The following MLIP variants were observed in gnomAD, a reference collection of about 807,000 sequenced individuals.
The protein encoded by MLIP is muscular LMNA-interacting protein.
Under a neutral mutation model 84.8 loss-of-function variants are expected in MLIP, and 79 were observed. The observed-to-expected ratio is 0.93, with a 90% confidence interval of 0.78 to 1.12. The LOEUF (loss-of-function observed/expected upper bound fraction) is 1.12, where lower values mean the gene tolerates loss of function less well. MLIP is among the 50% of genes most tolerant of loss of function. MLIP has a pLI of 0.00. For missense variants in MLIP, 1,257 were observed against 1,160.6 expected, an observed-to-expected ratio of 1.08 and a Z score of -1.21; for synonymous variants, 504 against 463.0, an observed-to-expected ratio of 1.09 and a Z score of -1.14.
chr6:54,166,071 C>A (rs375461553), intron 8 of MLIP, among the ~76,000 whole-genome samples: 10 of 151,968 alleles, frequency 6.6e-5, no homozygotes, highest in African/African-American at 2.4e-4. Flanking sequence ...ATAAGCCACC[C>A]AGTCAATAAT....
chr6:54,201,825 A>G (rs1778700394), intron 10 of MLIP, among the ~76,000 whole-genome samples: 1 of 152,208 alleles, frequency 6.6e-6, no homozygotes, highest in African/African-American at 2.4e-5. Context: ...ATATGTGTTG[A>G]CCAAATGCAC....
intron 9 of MLIP, among the ~76,000 whole-genome samples, chr6:54,179,155 C>A (rs1400890137): frequency 1.3e-5 from 2 of 152,154 alleles, no homozygotes; most frequent in African/African-American, 4.8e-5. Context: ...TAATGACATT[C>A]TTTGTCTCTT....
At chr6:54,253,017 G>A (rs903833319) in intron 12 of MLIP, among the ~76,000 whole-genome samples, 3 of 152,078 alleles carry the variant, frequency 2.0e-5, no homozygotes, top group Admixed American at 1.3e-4. Context: ...TGTAGCCATC[G>A]AATTCTTCCT....
rs116323549 is a variant in MLIP at position 54,065,474 on chromosome 6, T to C, written c.63+46383T>C. 5.1e-3 allele frequency among the ~76,000 whole-genome samples: 520 copies of C among 101,134 alleles called. 62 individuals carry two copies. The highest frequency in any genetic ancestry group is 0.012 in the African/African-American group (491 of 39,432). The allele number at this position is 101,134 out of a possible 152,430, so 66.3% of individuals were successfully genotyped here. ...TAAATGTTAACTACATCATTATTTCTTTCCAAGGAAAAGCAATTACAAAAG... is the reference window on the plus strand; with the variant it reads ...TAAATGTTAACTACATCATTATTTCCTTCCAAGGAAAAGCAATTACAAAAG... On this transcript the variant is annotated intron_variant, in intron 1 of 12. Transcript: ENST00000274897.
intron 12 of MLIP, among the ~76,000 whole-genome samples, chr6:54,250,759 T>C (rs985219710): frequency 6.6e-6 from 1 of 152,096 alleles, no homozygotes; most frequent in Non-Finnish European, 1.5e-5. Flanking sequence ...AGTAATTTCT[T>C]CTCAGGGACT....
intron 10 of MLIP, among the ~76,000 whole-genome samples, chr6:54,197,928 C>T (rs1372349262): frequency 2.0e-5 from 3 of 152,054 alleles, no homozygotes; most frequent in African/African-American, 7.2e-5. Context: ...AGAACCTTTA[C>T]TTGAAGTCCA....
At chr6:54,188,041 T>C (rs1777568136) in intron 9 of MLIP, among the ~76,000 whole-genome samples, 1 of 152,144 alleles carries the variant, frequency 6.6e-6, no homozygotes, top group Non-Finnish European at 1.5e-5. Flanking sequence ...ACCTAGTTGG[T>C]ATAGCCCACT....
chr6:54,184,704 AT>A (rs1206281345), intron 9 of MLIP, among the ~76,000 whole-genome samples: 3 of 151,748 alleles, frequency 2.0e-5, no homozygotes, highest in Admixed American at 2.0e-4. Context: ...TTTGAAATAA[AT>A]TTTTTTTACC....
chr6:54,086,494 G>A (rs566164556), intron 1 of MLIP, among the ~76,000 whole-genome samples: 1 of 152,298 alleles, frequency 6.6e-6, no homozygotes, highest in South Asian at 2.1e-4. Context: ...ATAGCATAAA[G>A]AAACCAAGAT....
intron 1 of MLIP, among the ~76,000 whole-genome samples, chr6:54,078,695 T>TC (rs1262328851): frequency 6.8e-6 from 1 of 146,856 alleles, no homozygotes; most frequent in Non-Finnish European, 1.5e-5. Context: ...TTCTTTCTTT[T>TC]TTTTTTTTTT....
intron 5 of MLIP, among the ~76,000 whole-genome samples, chr6:54,159,357 T>C (rs1176730427): frequency 6.6e-6 from 1 of 152,074 alleles, no homozygotes; most frequent in Non-Finnish European, 1.5e-5. Flanking sequence ...TTTGAATTAA[T>C]TTAAAATTAG....
chr6:54,033,618 T>C (rs138232444), intron 1 of MLIP, among the ~76,000 whole-genome samples: 153 of 151,952 alleles, frequency 1.0e-3, no homozygotes, highest in Middle Eastern at 3.4e-3. Flanking sequence ...AGTGGAAGAG[T>C]TGGCCTCAGG....
chr6:54,073,682 C>T (rs1297411720), intron 1 of MLIP, among the ~76,000 whole-genome samples: 1 of 152,190 alleles, frequency 6.6e-6, no homozygotes, highest in Non-Finnish European at 1.5e-5. Context: ...AACACATTCT[C>T]AGGTGACGCC....
At chr6:54,221,287 G>A (rs1159317641) in intron 11 of MLIP, among the ~76,000 whole-genome samples, 1 of 151,808 alleles carries the variant, frequency 6.6e-6, no homozygotes, top group Non-Finnish European at 1.5e-5. Context: ...GAACCTGTTG[G>A]AAAAACATCT....
Position 54,149,687 on chromosome 6 carries a change from T to C in MLIP, c.2289+560T>C, listed in dbSNP as rs538340275. 1.6e-4 allele frequency among the ~76,000 whole-genome samples: 24 copies of C among 152,228 alleles called. 2 individuals are homozygous for C. Among genetic ancestry groups the C allele is most frequent in the African/African-American group, 5.5e-4 (23 of 41,546 alleles). ...TTCTTGCCAGCCAGTGGTCCTACTT[T>C]CATGAACAGAAGGGAAGACTGAGAT... On this transcript the variant is annotated intron_variant, in intron 5 of 13. Transcript: ENST00000502396.
At chr6:54,248,548 G>A (rs1244411964) in intron 12 of MLIP, among the ~76,000 whole-genome samples, 2 of 152,116 alleles carry the variant, frequency 1.3e-5, no homozygotes. Flanking sequence ...GTCAACAATA[G>A]GATGTGGTAT....
intron 9 of MLIP, among the ~76,000 whole-genome samples, chr6:54,189,519 G>A (rs1229209370): frequency 1.3e-5 from 2 of 152,076 alleles, no homozygotes; most frequent in Non-Finnish European, 2.9e-5. Flanking sequence ...TGGTATGTTT[G>A]ATTAAAATGT....
chr6:54,196,646 A>G (rs536878348), intron 10 of MLIP, among the ~76,000 whole-genome samples: 1 of 152,182 alleles, frequency 6.6e-6, no homozygotes. Context: ...TATAGACTCC[A>G]TATTGAATTA....
Position 54,215,127 on chromosome 6 carries a change from A to G in MLIP, c.2718+12894A>G, listed in dbSNP as rs9395914. The G allele has an allele frequency of 2.5e-3, 3,782 of 1,531,862 alleles. 73 individuals are homozygous for G. The Admixed American group carries it at 0.027, about 11-fold the overall frequency. The allele number at this position is 1,531,862 out of a possible 1,614,324, so 94.9% of individuals were successfully genotyped here. A position where few individuals can be genotyped will look rare whatever the true frequency, so the allele number is the denominator to read the frequency against. On this transcript the variant is annotated intron_variant, in intron 11 of 13. Transcript: ENST00000502396. Reference sequence around the variant, plus strand: ...TGTACTTCCTCACTAAAAGCTGTCCACTTTACACTCAGGCTGCACATTCTG... The same window carrying G: ...TGTACTTCCTCACTAAAAGCTGTCCGCTTTACACTCAGGCTGCACATTCTG...
Sources: allele counts gnomAD v4.1 joint callset (sites outside exome capture counted in the v4.1 genomes callset), GRCh38; gene constraint gnomAD v4.1.1; transcripts MANE v1.5; gene names NCBI Gene and HGNC (gene_info 2026-07-23, HGNC 2026-07-21).